MGAT5: variants seen among roughly 807,000 people sequenced by gnomAD.
MGAT5 encodes alpha-1,6-mannosylglycoprotein 6-beta-N-acetylglucosaminyltransferase A.
A neutral mutation model predicts 94.3 loss-of-function variants in MGAT5; 30 were observed. The observed-to-expected ratio is 0.32, with a 90% CI of 0.24 to 0.43. The LOEUF is 0.43. Among genes scored for constraint, MGAT5 ranks in the 20% least tolerant of loss-of-function variants. The probability of loss-of-function intolerance (pLI) is 1.00; values close to 1 mark genes in which losing one functional copy is unlikely to be tolerated. For synonymous variants in MGAT5, 310 were observed against 322.9 expected (o/e 0.96, Z 0.43); for missense variants, 691 against 905.5 (o/e 0.76, Z 3.04).
At chr2:134,423,517 A>G (rs909640617) in intron 13 of MGAT5, among the ~76,000 whole-genome samples, 6 of 152,148 alleles carry the variant, frequency 3.9e-5, no homozygotes, top group Non-Finnish European at 8.8e-5. Flanking sequence ...GAAGTTTACC[A>G]TCCAGTAAAG....
intron 2 of MGAT5, among the ~76,000 whole-genome samples, chr2:134,285,825 C>T (rs1050410268): frequency 1.3e-5 from 2 of 152,170 alleles, no homozygotes; most frequent in Non-Finnish European, 2.9e-5. Context: ...CCATTGCCAG[C>T]AACCCCTCCG....
At chr2:134,323,545 C>T (rs988081375) in intron 4 of MGAT5, among the ~76,000 whole-genome samples, 1 of 152,080 alleles carries the variant, frequency 6.6e-6, no homozygotes, top group African/African-American at 2.4e-5. Context: ...GAGGTCAAGT[C>T]GCTTATCCCC....
intron 6 of MGAT5, among the ~76,000 whole-genome samples, chr2:134,340,285 T>G (rs1404469597): frequency 1.3e-5 from 2 of 152,116 alleles, no homozygotes; most frequent in Non-Finnish European, 2.9e-5. Context: ...AATGGCTTAT[T>G]AAGGTCCAAG....
chr2:134,375,649 G>T (rs1681121438), intron 10 of MGAT5, among the ~76,000 whole-genome samples: 1 of 152,206 alleles, frequency 6.6e-6, no homozygotes, highest in African/African-American at 2.4e-5. Context: ...AGCTTGGAGA[G>T]CAGAAATACC....
chr2:134,277,398 T>C (rs899067220), intron 2 of MGAT5, among the ~76,000 whole-genome samples: 1 of 151,946 alleles, frequency 6.6e-6, no homozygotes, highest in Non-Finnish European at 1.5e-5. Flanking sequence ...TGAATCATAG[T>C]GGAAGGGGAA....
At chr2:134,347,084 C>G (rs1471437353) in intron 8 of MGAT5, among the ~76,000 whole-genome samples, 1 of 152,124 alleles carries the variant, frequency 6.6e-6, no homozygotes, top group Non-Finnish European at 1.5e-5. Context: ...GCTCCAGACA[C>G]AGAGACATTA....
At position 134,165,762 on chromosome 2, in the gene MGAT5, G is replaced by A. The variant is rs532828635; in HGVS notation, c.-143+45471G>A. 7.9e-5 allele frequency among the ~76,000 whole-genome samples: 12 copies of A among 151,622 alleles called. 1 individual carries two copies. Among genetic ancestry groups the A allele is most frequent in the Admixed American group, 6.6e-4 (10 of 15,230 alleles). On this transcript the variant is annotated intron_variant, in intron 1 of 16. Transcript: ENST00000409645. ...TGCACTCCAGCCTGGGCGACAGAGC[G>A]AAACTCTGTCTCAAAAAAAAAAAAT...
rs17711951 is a variant in MGAT5, at chr2:134,167,137, A to T, written c.-143+46846A>T. Among the ~76,000 whole-genome samples the T allele has an allele frequency of 3.9e-3, 588 of 152,274 alleles. 5 individuals carry two copies. Among genetic ancestry groups the T allele is most frequent in the African/African-American group, 0.013 (557 of 41,552 alleles). On this transcript the variant is annotated intron_variant, in intron 1 of 16. Coordinates refer to the MGAT5 transcript ENST00000409645. ...GATAAAGGACAAGCTTTTGTTACTG[A>T]TTTGTTCCTGTAATTACATCAGAAA... is the stretch of plus-strand genomic sequence containing the variant.
intron 1 of MGAT5, among the ~76,000 whole-genome samples, chr2:134,123,039 G>T (rs1478430980): frequency 6.6e-6 from 1 of 152,212 alleles, no homozygotes; most frequent in Non-Finnish European, 1.5e-5. Context: ...GTGTGCATAT[G>T]TACATGCATA....
At chr2:134,331,627 G>A (rs1687980525) in intron 4 of MGAT5, among the ~76,000 whole-genome samples, 1 of 152,024 alleles carries the variant, frequency 6.6e-6, no homozygotes, top group Admixed American at 6.6e-5. Flanking sequence ...CAGGGGGTTG[G>A]TGGGGGGAGG....
intron 15 of MGAT5, among the ~76,000 whole-genome samples, chr2:134,446,664 A>G (rs1685795423): frequency 6.6e-6 from 1 of 152,266 alleles, no homozygotes; most frequent in South Asian, 2.1e-4. Context: ...CTCCCTGGGC[A>G]TTACCATCTC....
intron 10 of MGAT5, among the ~76,000 whole-genome samples, chr2:134,399,730 T>A (rs1682927483): frequency 6.6e-6 from 1 of 152,220 alleles, no homozygotes; most frequent in African/African-American, 2.4e-5. Context: ...AGGAAAGCTT[T>A]CTAAGAAGTG....
In MGAT5 at chr2:134,282,377, A is replaced by G. The variant is rs1000324171; in HGVS notation, c.406+11827A>G. Among the ~76,000 whole-genome samples, 3 of 152,346 alleles carry G rather than the reference A, an allele frequency of 2.0e-5. No individual in the cohort carries two copies. In the East Asian group the frequency reaches 5.8e-4, roughly 29 times the overall value. Reference sequence around the variant, plus strand: ...CCGGGCTACCAGTGACCATACAGCCATCATCTCTACCTTTGAGTTGATGTG... The same window carrying G: ...CCGGGCTACCAGTGACCATACAGCCGTCATCTCTACCTTTGAGTTGATGTG... On this transcript the variant is annotated intron_variant, in intron 2 of 15. Coordinates refer to ENST00000281923, the MANE Select transcript of MGAT5 (RefSeq NM_002410.5).
At chr2:134,259,824 C>T (rs1005824974) in intron 1 of MGAT5, among the ~76,000 whole-genome samples, 1 of 152,184 alleles carries the variant, frequency 6.6e-6, no homozygotes, top group Non-Finnish European at 1.5e-5. Flanking sequence ...GACAAAGGCC[C>T]TGCTCTCATA....
chr2:134,421,305 C>T (rs1021493064), intron 12 of MGAT5, among the ~76,000 whole-genome samples: 1 of 152,200 alleles, frequency 6.6e-6, no homozygotes, highest in Non-Finnish European at 1.5e-5. Flanking sequence ...TAGATTCTGA[C>T]TGGGCATGGT....
intron 1 of MGAT5, among the ~76,000 whole-genome samples, chr2:134,134,114 C>G (rs1686301350): frequency 6.6e-6 from 1 of 152,122 alleles, no homozygotes; most frequent in Non-Finnish European, 1.5e-5. Flanking sequence ...CAAGGTGCAG[C>G]CTGACTAGTG....
At chr2:134,381,374 A>AGGGCAGCATAGCAAGACCTGTCTCAT (rs60788131) in intron 10 of MGAT5, among the ~76,000 whole-genome samples, 2 of 60,668 alleles carry the variant, frequency 3.3e-5, no homozygotes, top group African/African-American at 1.3e-4. Flanking sequence ...TAGATAAGAT[A>AGGGCAGCATAGCAAGACCTGTCTCAT]AGATAGATTA....
intron 1 of MGAT5, among the ~76,000 whole-genome samples, chr2:134,121,404 C>T (rs899869062): frequency 1.3e-5 from 2 of 152,230 alleles, no homozygotes; most frequent in East Asian, 1.9e-4. Flanking sequence ...ACACACAAAG[C>T]CGCGGTTTTG....
chr2:134,276,085 C>T (rs769652547), intron 2 of MGAT5, among the ~76,000 whole-genome samples: 4 of 152,224 alleles, frequency 2.6e-5, no homozygotes, highest in South Asian at 2.1e-4. Flanking sequence ...ACGCCTGAGA[C>T]GCTGAAGTTT....
Sources: gnomAD v4.1 joint callset for allele counts (sites outside exome capture counted in the v4.1 genomes callset) on GRCh38, gnomAD v4.1.1 for gene constraint, MANE v1.5 for transcripts, NCBI Gene and HGNC (gene_info 2026-07-23, HGNC 2026-07-21) for gene names.